The following CCNB3 variants were observed in gnomAD, a reference collection of about 807,000 sequenced individuals.
The protein encoded by CCNB3 is G2/mitotic-specific cyclin-B3.
Under a neutral mutation model 68.0 loss-of-function variants are expected in CCNB3, and 12 were observed. The observed-to-expected ratio is 0.18, with a 90% CI of 0.11 to 0.29. The LOEUF (loss-of-function observed/expected upper bound fraction) is 0.29, where lower values mean the gene tolerates loss of function less well. CCNB3 is among the 10% of genes least tolerant of loss of function. The probability of loss-of-function intolerance (pLI) is 1.00; values close to 1 mark genes in which losing one functional copy is unlikely to be tolerated. For synonymous variants in CCNB3, 354 were observed against 388.9 expected, an observed-to-expected ratio of 0.91 and a Z score of 1.06; for missense variants, 904 against 993.1, an observed-to-expected ratio of 0.91 and a Z score of 1.21.
chrX:50,337,757 C>T (rs976637920), intron 8 of CCNB3, among the ~76,000 whole-genome samples: 2 of 111,743 alleles, frequency 1.8e-5, no homozygotes, highest in African/African-American at 3.3e-5. Context: ...ACGCACACCA[C>T]AAAACAGAAT....
At chrX:50,300,301 C>T (rs782113889) in intron 5 of CCNB3, among the ~76,000 whole-genome samples, 2,340 of 111,209 alleles carry the variant, frequency 0.021, 32 homozygotes, top group Middle Eastern at 0.037. Flanking sequence ...TTAGTGCTTC[C>T]TTCAGGAGCT....
chrX:50,279,870 AAAATATATATAGTATATAT>A (rs1936076440), intron 1 of CCNB3, among the ~76,000 whole-genome samples: 3 of 87,762 alleles, frequency 3.4e-5, no homozygotes, highest in Non-Finnish European at 6.3e-5. Flanking sequence ...TACTATATAT[AAAATATATATAGTATATAT>A]AAATATATAG....
chrX:50,328,462 T>C (rs1922405368), intron 8 of CCNB3, among the ~76,000 whole-genome samples: 1 of 110,954 alleles, frequency 9.0e-6, no homozygotes, highest in Non-Finnish European at 1.9e-5. Context: ...CCATACACTT[T>C]TAAACAACCA....
chrX:50,288,593 C>T (rs1347139048), intron 3 of CCNB3, among the ~76,000 whole-genome samples, 187 bp from the exon 4 acceptor site: 2 of 110,960 alleles, frequency 1.8e-5, no homozygotes, highest in Non-Finnish European at 3.8e-5. Context: ...TGTCTACCAC[C>T]TTTAGGGACT....
At chrX:50,312,989 A>G (rs1921547928) in intron 7 of CCNB3, among the ~76,000 whole-genome samples, 1 of 111,057 alleles carries the variant, frequency 9.0e-6, no homozygotes, top group Admixed American at 9.7e-5. Context: ...AGTCTTAGAC[A>G]CAAAAATGGT....
rs369531264 is a variant in CCNB3 at position 50,308,545 on chromosome X, G to A, written c.376G>A (p.Val126Met). Residue 126 changes from valine to methionine, a missense_variant, in exon 6 of 13, where the codon GTG becomes ATG. Val to Met is a conservative substitution (Grantham distance 21). Around this residue, in one of 2 missense-constraint regions of CCNB3, gnomAD observed 619 missense variants for 609.8 expected, o/e 1.02. Coordinates refer to ENST00000376042, the MANE Select transcript of CCNB3 (RefSeq NM_033031.3). ...CACACCAGTAGTAGCCTCTACTACCGTGGTACCAAACATTATGGAGAAACC... is the reference window on the plus strand; with the variant it reads ...CACACCAGTAGTAGCCTCTACTACCATGGTACCAAACATTATGGAGAAACC... ...EVTPVVASTT[V>M]VPNIMEKPLI... 14 of 1,206,711 alleles carry A rather than the reference G, an allele frequency of 1.2e-5. No homozygotes were observed. Among genetic ancestry groups the A allele is most frequent in the South Asian group, 1.8e-5 (1 of 56,470 alleles).
intron 1 of CCNB3, among the ~76,000 whole-genome samples, chrX:50,226,913 T>A (rs1477143799): frequency 2.1e-5 from 1 of 47,424 alleles, no homozygotes; most frequent in Non-Finnish European, 3.3e-5. Flanking sequence ...GAATATATAG[T>A]ATATATATAG....
chrX:50,330,008 G>C (rs782119191), intron 8 of CCNB3, among the ~76,000 whole-genome samples: 18 of 111,810 alleles, frequency 1.6e-4, no homozygotes, highest in Non-Finnish European at 3.2e-4. Flanking sequence ...AATGTAGCAG[G>C]ACGAGTCGCA....
intron 1 of CCNB3, among the ~76,000 whole-genome samples, chrX:50,226,139 A>C (rs1447789689): frequency 2.6e-5 from 2 of 76,916 alleles, no homozygotes; most frequent in African/African-American, 9.9e-5. Context: ...ATATATAAAT[A>C]TATATTCTAT....
At chrX:50,305,758 G>GT (rs1366314074) in intron 5 of CCNB3, among the ~76,000 whole-genome samples, 7 of 97,708 alleles carry the variant, frequency 7.2e-5, no homozygotes, top group Non-Finnish European at 1.4e-4. Flanking sequence ...ATTGATATGG[G>GT]TTTTTTTTTC....
At chrX:50,289,962 G>A (rs1284675116) in intron 4 of CCNB3, among the ~76,000 whole-genome samples, 1 of 111,826 alleles carries the variant, frequency 8.9e-6, no homozygotes, top group Non-Finnish European at 1.9e-5. Flanking sequence ...GGTTTTTTAA[G>A]TTACAGCTTT....
intron 8 of CCNB3, among the ~76,000 whole-genome samples, chrX:50,316,604 C>T (rs912419693): frequency 8.9e-6 from 1 of 111,745 alleles, no homozygotes; most frequent in Admixed American, 9.5e-5. Flanking sequence ...TTATGTTATC[C>T]GTTTAGAGTC....
chrX:50,329,213 C>T (rs1922458818), intron 8 of CCNB3, among the ~76,000 whole-genome samples: 1 of 111,639 alleles, frequency 9.0e-6, no homozygotes, highest in African/African-American at 3.3e-5. Flanking sequence ...AGGCAGTATC[C>T]CACTGCCTAG....
chrX:50,323,294 T>C (rs1411739218), intron 8 of CCNB3, among the ~76,000 whole-genome samples: 31 of 110,341 alleles, frequency 2.8e-4, no homozygotes, highest in Admixed American at 7.7e-4. Context: ...CTGGAAACCA[T>C]CGTTCTCAGC....
At chrX:50,350,792 C>T (rs148966119) in intron 11 of CCNB3, among the ~76,000 whole-genome samples, 283 of 109,462 alleles carry the variant, frequency 2.6e-3, no homozygotes, top group Admixed American at 3.2e-3. Flanking sequence ...AACTCCTGGG[C>T]TCAAGCAATC....
intron 3 of CCNB3, among the ~76,000 whole-genome samples, chrX:50,285,899 C>T (rs932693746): frequency 2.7e-5 from 3 of 111,948 alleles, no homozygotes; most frequent in South Asian, 3.7e-4. Context: ...AAATGATTTT[C>T]AGCGAGGTGC....
intron 5 of CCNB3, among the ~76,000 whole-genome samples, chrX:50,308,055 TC>T (rs1921174764): frequency 8.9e-6 from 1 of 112,045 alleles, no homozygotes; most frequent in Non-Finnish European, 1.9e-5. Context: ...GTAGTTAGAT[TC>T]TACCAAAGTT....
intron 1 of CCNB3, among the ~76,000 whole-genome samples, chrX:50,226,555 A>C (rs1458796953): frequency 1.3e-5 from 1 of 76,816 alleles, no homozygotes; most frequent in Non-Finnish European, 2.3e-5. Flanking sequence ...TATATATAGA[A>C]TATATATATA....
chrX:50,295,061 T>C (rs1488568358), intron 5 of CCNB3, 68 bp downstream of exon 5: 2 of 1,075,936 alleles, frequency 1.9e-6, no homozygotes, highest in African/African-American at 1.9e-5. Flanking sequence ...TTTGTCCCCA[T>C]TGAGAACATA....
Sources: gnomAD v4.1 joint callset for allele counts (sites outside exome capture counted in the v4.1 genomes callset) on GRCh38, gnomAD v4.1.1 for gene constraint, gnomAD v4.1.1 regional missense constraint, MANE v1.5 for transcripts, NCBI Gene and HGNC (gene_info 2026-07-23, HGNC 2026-07-21) for gene names.